The following TAFA2 variants were observed in gnomAD, a reference collection of about 807,000 sequenced individuals.
TAFA2 encodes the protein TAFA chemokine like family member 2, also known as chemokine-like protein TAFA-2.
Under a neutral mutation model 18.8 loss-of-function variants are expected in TAFA2, and 7 were observed. The ratio of observed to expected loss-of-function variants is 0.37; its 90% CI spans 0.21 to 0.70. The LOEUF is 0.70. TAFA2 is among the 30% of genes least tolerant of loss of function. The pLI is 0.53. For missense variants in TAFA2, 122 were observed against 158.1 expected, an observed-to-expected ratio of 0.77 and a Z score of 1.23; for synonymous variants, 60 against 54.2, an observed-to-expected ratio of 1.11 and a Z score of -0.47.
Position 61,842,039 on chromosome 12 carries a change from T to C in TAFA2, c.106+25281A>G, listed in dbSNP as rs539226297. Among the ~76,000 whole-genome samples the C allele has an allele frequency of 1.4e-3, 220 of 152,052 alleles. 4 individuals are homozygous for C. Among genetic ancestry groups the C allele is most frequent in the African/African-American group, 5.1e-3 (211 of 41,508 alleles). ...CTAGTCAGTATCAGAAAAATATTAC[T>C]CTATAAGAAAAATACGAGGGGATTC... On this transcript the variant is annotated intron_variant, in intron 2 of 4. Coordinates refer to ENST00000416284, the MANE Select transcript of TAFA2 (RefSeq NM_178539.5).
chr12:62,147,350 A>G (rs1161150235), intron 1 of TAFA2, among the ~76,000 whole-genome samples: 10 of 111,030 alleles, frequency 9.0e-5, no homozygotes, highest in African/African-American at 1.5e-4. Flanking sequence ...ATATATATAT[A>G]TATATATATA....
chr12:61,832,395 ACC>A (rs1872753657), intron 2 of TAFA2, among the ~76,000 whole-genome samples: 1 of 151,938 alleles, frequency 6.6e-6, no homozygotes, highest in Non-Finnish European at 1.5e-5. Flanking sequence ...TCCCAGCTGA[ACC>A]CAGACTTCAA....
chr12:61,857,393 A>G (rs144113548), intron 2 of TAFA2, among the ~76,000 whole-genome samples: 218 of 152,296 alleles, frequency 1.4e-3, no homozygotes, highest in African/African-American at 4.9e-3. Flanking sequence ...TTAAATTAGT[A>G]GCCAGCCAGT....
intron 1 of TAFA2, among the ~76,000 whole-genome samples, chr12:61,986,050 A>C (rs1356794734): frequency 6.6e-6 from 1 of 152,078 alleles, no homozygotes; most frequent in African/African-American, 2.4e-5. Context: ...CTCGAAATAA[A>C]CAGCACATGC....
chr12:61,733,909 G>A (rs1868261377), intron 4 of TAFA2, among the ~76,000 whole-genome samples: 1 of 149,692 alleles, frequency 6.7e-6, no homozygotes, highest in African/African-American at 2.5e-5. Context: ...CCATGAGCAT[G>A]GAATGTTCTT....
At chr12:61,935,357 T>G (rs1329387779) in intron 1 of TAFA2, among the ~76,000 whole-genome samples, 1 of 152,176 alleles carries the variant, frequency 6.6e-6, no homozygotes, top group Non-Finnish European at 1.5e-5. Flanking sequence ...AAAATTTTAC[T>G]GTGCAATAAT....
intron 1 of TAFA2, chr12:62,021,861 C>T (rs1182645015): frequency 1.5e-5 from 12 of 777,406 alleles, no homozygotes; most frequent in Non-Finnish European, 2.6e-5. Flanking sequence ...TGGATTTAGT[C>T]CTCCGTCCTC....
intron 1 of TAFA2, among the ~76,000 whole-genome samples, chr12:61,923,672 G>A (rs1877154670): frequency 6.6e-6 from 1 of 152,030 alleles, no homozygotes; most frequent in Non-Finnish European, 1.5e-5. Flanking sequence ...AACCCAGAAT[G>A]CCTATTCTCC....
intron 1 of TAFA2, among the ~76,000 whole-genome samples, chr12:62,043,496 G>A (rs911446658): frequency 2.0e-5 from 3 of 152,076 alleles, no homozygotes; most frequent in Non-Finnish European, 4.4e-5. Flanking sequence ...ATAGCATTAG[G>A]AGATACACCT....
chr12:61,783,133 A>G (rs944351219), intron 2 of TAFA2, among the ~76,000 whole-genome samples: 2 of 151,734 alleles, frequency 1.3e-5, no homozygotes, highest in Admixed American at 1.3e-4. Context: ...AACACTGCTT[A>G]CAGATAATTA....
intron 1 of TAFA2, among the ~76,000 whole-genome samples, chr12:62,030,518 C>T (rs1198565060): frequency 1.3e-5 from 2 of 152,046 alleles, no homozygotes; most frequent in African/African-American, 4.8e-5. Flanking sequence ...ACCACAATGA[C>T]AAACAAGGAA....
rs919452614 is a variant in TAFA2 at position 61,996,589 on chromosome 12, A to T, written c.-1-129163T>A. ...TGTACAATTCTCCAATGTACTATAC[A>T]CCAATTCTCAAAGTTTGATCAGTGG... On this transcript the variant is annotated intron_variant, in intron 1 of 4. Transcript: ENST00000416284. Among the ~76,000 whole-genome samples the T allele has an allele frequency of 3.9e-5, 6 of 152,308 alleles. No homozygotes were observed. In the East Asian group the frequency reaches 1.2e-3, roughly 29 times the overall value.
chr12:61,750,465 C>G lies in TAFA2; in HGVS notation c.384+3157G>C, dbSNP rs1868958125. The stretch of plus-strand genomic sequence containing the variant: ...CCAAAAATGACTGTCTATTCTTTAC[C>G]TTTTCCCCCTGTTAGCACCAATAGG... On this transcript the variant is annotated intron_variant, in intron 4 of 4. Coordinates refer to ENST00000416284, the MANE Select transcript of TAFA2 (RefSeq NM_178539.5). Among the ~76,000 whole-genome samples, 3 of 152,080 alleles carry G rather than the reference C, an allele frequency of 2.0e-5. No individual in the cohort carries two copies. In the South Asian group the frequency reaches 6.2e-4, roughly 32 times the overall value.
chr12:61,743,357 GTT>G (rs1868545016), intron 4 of TAFA2, among the ~76,000 whole-genome samples: 2 of 152,046 alleles, frequency 1.3e-5, no homozygotes, highest in South Asian at 4.1e-4. Flanking sequence ...CACTGAGAAA[GTT>G]ATTACTATAG....
At chr12:62,003,543 A>G (rs1010825484) in intron 1 of TAFA2, among the ~76,000 whole-genome samples, 2 of 152,164 alleles carry the variant, frequency 1.3e-5, no homozygotes, top group Non-Finnish European at 1.5e-5. Context: ...CTGAAATCCA[A>G]TTTAAAACTG....
intron 1 of TAFA2, among the ~76,000 whole-genome samples, chr12:62,190,985 C>CACCGCTCACGG (rs1287968118): frequency 2.0e-5 from 3 of 152,056 alleles, no homozygotes. Flanking sequence ...AGAGGGAGGG[C>CACCGCTCACGG]ACCGCTCACG....
intron 1 of TAFA2, among the ~76,000 whole-genome samples, chr12:62,211,079 T>C (rs771699913): frequency 5.1e-4 from 78 of 152,290 alleles, no homozygotes; most frequent in Non-Finnish European, 6.2e-4. Context: ...AGGACTAGTG[T>C]TAGAACACTG....
intron 1 of TAFA2, among the ~76,000 whole-genome samples, chr12:62,031,642 A>G (rs1016251471): frequency 6.6e-6 from 1 of 152,162 alleles, no homozygotes; most frequent in African/African-American, 2.4e-5. Context: ...GTCAAAGAAA[A>G]GTATAAAGAA....
At chr12:62,198,511 T>C (rs1322745140) in intron 1 of TAFA2, 2 of 152,216 alleles carry the variant, frequency 1.3e-5, no homozygotes, top group Non-Finnish European at 2.9e-5. Flanking sequence ...TACGGTATTA[T>C]AACAATTAAA....
Sources: allele counts gnomAD v4.1 joint callset (sites outside exome capture counted in the v4.1 genomes callset), GRCh38; gene constraint gnomAD v4.1.1; transcripts MANE v1.5; gene names NCBI Gene and HGNC (gene_info 2026-07-23, HGNC 2026-07-21).